Variants in KIF15 observed in about 807,000 individuals in gnomAD.
The protein encoded by KIF15 is kinesin family member 15, also known as kinesin-like protein KIF15.
A neutral mutation model predicts 190.6 loss-of-function variants in KIF15; 140 were observed. The observed-to-expected ratio is 0.73, with a 90% CI of 0.64 to 0.84. KIF15 has a LOEUF of 0.84. Among genes scored for constraint, KIF15 ranks in the 40% least tolerant of loss-of-function variants. The probability of loss-of-function intolerance (pLI) is 0.00; values close to 1 mark genes in which losing one functional copy is unlikely to be tolerated. For synonymous variants in KIF15, 528 were observed against 551.3 expected, an observed-to-expected ratio of 0.96 and a Z score of 0.59; for missense variants, 1,372 against 1,584.4, an observed-to-expected ratio of 0.87 and a Z score of 2.28.
At chr3:44,814,314 G>GT (rs1334301739) in intron 19 of KIF15, among the ~76,000 whole-genome samples, 1 of 151,726 alleles carries the variant, frequency 6.6e-6, no homozygotes, top group Non-Finnish European at 1.5e-5. Context: ...AGTTTTGTTT[G>GT]TTTGTTTGTT....
At chr3:44,777,021 G>T in intron 3 of KIF15, among the ~76,000 whole-genome samples, 2 of 116,390 alleles carry the variant, frequency 1.7e-5, no homozygotes, top group Admixed American at 1.1e-4. Context: ...TGTAAGAGAT[G>T]GTGTCTTGCT....
At chr3:44,790,818 G>A (rs1190740184) in intron 7 of KIF15, among the ~76,000 whole-genome samples, 2 of 148,150 alleles carry the variant, frequency 1.3e-5, no homozygotes, top group Non-Finnish European at 3.0e-5. Context: ...CCAGCCTCCC[G>A]AGTAGCTGGG....
At chr3:44,846,949 C>G (rs949939680) in intron 30 of KIF15, among the ~76,000 whole-genome samples, 4 of 152,120 alleles carry the variant, frequency 2.6e-5, no homozygotes, top group Non-Finnish European at 4.4e-5. Context: ...TAGTCACACC[C>G]TGTCATTTTA....
chr3:44,818,431 T>C (rs140581564), intron 20 of KIF15, among the ~76,000 whole-genome samples: 2,838 of 152,308 alleles, frequency 0.019, 75 homozygotes, highest in African/African-American at 0.063. Context: ...ATATCTAGTT[T>C]ATTGAGAGTT....
In KIF15 at chr3:44,810,826, A is replaced by G. The variant is rs757403770; in HGVS notation, c.1972-20A>G. On this transcript the variant is annotated intron_variant, in intron 16 of 34. Coordinates refer to ENST00000326047, the MANE Select transcript of KIF15 (RefSeq NM_020242.3). ...TTTTAAATATGTGCTAATGTTTTCC[A>G]TAATCATTTTTTGCTGCAGATTATA... 19 of 1,580,040 alleles carry G rather than the reference A, an allele frequency of 1.2e-5. No individual in the cohort carries two copies. The Admixed American group carries it at 1.7e-4, about 14-fold the overall frequency.
In KIF15 at chr3:44,841,313, C is replaced by A. The variant is rs1698591399; in HGVS notation, c.3585+75C>A. On this transcript the variant is annotated intron_variant, in intron 29 of 34. Coordinates refer to ENST00000326047, the MANE Select transcript of KIF15 (RefSeq NM_020242.3). ...GTCTCGCTATGTTGCCCAGGCTGGG[C>A]TCAAGTGATCCATTTGCCTCAGCCA... 1.0e-5 allele frequency: 12 copies of A among 1,184,920 alleles called. No individual in the cohort carries two copies. The South Asian group carries it at 1.7e-4, about 16-fold the overall frequency. 73.4% of individuals were successfully genotyped at this position (1,184,920 alleles called of 1,614,324 possible).
At chr3:44,810,157 ATGTAC>A (rs1169410480) in intron 16 of KIF15, among the ~76,000 whole-genome samples, 4 of 152,214 alleles carry the variant, frequency 2.6e-5, no homozygotes, top group East Asian at 1.9e-4. Context: ...TTTTAATATA[ATGTAC>A]TGTAATGTAA....
rs569890075 is a variant in KIF15 at position 44,821,299 on chromosome 3, G to A, written c.2550-4740G>A. Among the ~76,000 whole-genome samples the A allele has an allele frequency of 9.9e-4, 149 of 150,676 alleles. 2 individuals carry two copies. Among genetic ancestry groups the A allele is most frequent in the South Asian group, 3.1e-3 (15 of 4,806 alleles). On this transcript the variant is annotated intron_variant, in intron 20 of 34. Transcript: ENST00000326047. ...TCCTGGACGGGGCGGCTGGCCTGGC[G>A]GTGGGTGACCCCCACCTCCTTCCTG...
chr3:44,784,240 C>T (rs1270438980), intron 5 of KIF15, among the ~76,000 whole-genome samples: 2 of 152,172 alleles, frequency 1.3e-5, no homozygotes, highest in Non-Finnish European at 2.9e-5. Flanking sequence ...GGCGCCATCT[C>T]GGCTCACTGC....
chr3:44,825,642 G>T (rs1201753354), intron 20 of KIF15, among the ~76,000 whole-genome samples: 1 of 152,244 alleles, frequency 6.6e-6, no homozygotes, highest in Non-Finnish European at 1.5e-5. Flanking sequence ...AATAGTTGGA[G>T]TTGAGCTATC....
chr3:44,775,546 C>T, intron 3 of KIF15, 109 bp downstream of exon 3: 1 of 746,058 alleles, frequency 1.3e-6, no homozygotes, highest in Non-Finnish European at 2.1e-6. Context: ...CCCTCTGCCT[C>T]CCGGGTTCAA....
chr3:44,765,949 C>T (rs966058006), intron 1 of KIF15: 5 of 157,276 alleles, frequency 3.2e-5, no homozygotes, highest in African/African-American at 1.2e-4. Flanking sequence ...TCTCCTGCCT[C>T]AGCCTCCCAA....
At chr3:44,776,671 C>T (rs1465208103) in intron 3 of KIF15, among the ~76,000 whole-genome samples, 1 of 152,140 alleles carries the variant, frequency 6.6e-6, no homozygotes, top group Non-Finnish European at 1.5e-5. Flanking sequence ...GTGATGTCAA[C>T]AACTGCTTTT....
Position 44,779,821 on chromosome 3 carries a change from GAA to G in KIF15, c.324-1046_324-1045del, listed in dbSNP as rs397875811. Among the ~76,000 whole-genome samples the G allele has an allele frequency of 5.5e-3, 546 of 99,932 alleles. 3 individuals carry two copies. Among genetic ancestry groups the G allele is most frequent in the African/African-American group, 0.015 (400 of 26,234 alleles). The allele number at this position is 99,932 out of a possible 152,430, so 65.6% of individuals were successfully genotyped here. Reference sequence around the variant, plus strand: ...TGCACTCCAGCCTGGGTGACAGAGTGAAAAAAAAAAAAAAAAAAAGGATTACC... The same window carrying G: ...TGCACTCCAGCCTGGGTGACAGAGTGAAAAAAAAAAAAAAAAAGGATTACC... On this transcript the variant is annotated intron_variant, in intron 4 of 34. Transcript: ENST00000326047.
chr3:44,840,931 C>T, intron 28 of KIF15, 143 bp from the exon 29 acceptor site: 1 of 773,948 alleles, frequency 1.3e-6, no homozygotes, highest in Non-Finnish European at 2.1e-6. Context: ...ACCTCGGCCT[C>T]CCAAAGTGCT....
intron 1 of KIF15, 137 bp downstream of exon 1, chr3:44,762,021 G>A: frequency 9.3e-7 from 1 of 1,078,718 alleles, no homozygotes; most frequent in Non-Finnish European, 1.4e-6. Flanking sequence ...GGGACGTTTG[G>A]GAATCCCGCT....
In KIF15 at chr3:44,805,912, C is replaced by G; in HGVS notation, c.1897C>G (p.Leu633Val). ...LQKANLNLEN[L>V]LEATKACKRQ... ...AAAAGCGAACCTTAATCTTGAAAAC[C>G]TTTTGGAAGCAACAAAAGCCTGCAA... Residue 633 changes from leucine to valine, a missense_variant, in exon 16 of 35, where the codon CTT becomes GTT. By Grantham distance (32) the Leu-to-Val change is conservative. Transcript: ENST00000326047. The G allele has an allele frequency of 6.2e-7, 1 of 1,614,108 alleles. No homozygotes were observed. Among genetic ancestry groups the G allele is most frequent in the Non-Finnish European group, 8.5e-7 (1 of 1,179,988 alleles).
At chr3:44,809,265 T>C (rs1363352590) in intron 16 of KIF15, among the ~76,000 whole-genome samples, 1 of 152,248 alleles carries the variant, frequency 6.6e-6, no homozygotes. Context: ...TCCTATTCCC[T>C]GAAAAGAAAA....
chr3:44,830,453 A>G (rs1034163729), intron 25 of KIF15, among the ~76,000 whole-genome samples: 2 of 152,178 alleles, frequency 1.3e-5, no homozygotes, highest in Non-Finnish European at 2.9e-5. Context: ...ACAGTAGCAC[A>G]TTGCAGTTAA....
Sources: allele counts gnomAD v4.1 joint callset (sites outside exome capture counted in the v4.1 genomes callset), GRCh38; gene constraint gnomAD v4.1.1; transcripts MANE v1.5; gene names NCBI Gene and HGNC (gene_info 2026-07-23, HGNC 2026-07-21).